COA1: variants seen among roughly 807,000 people sequenced by gnomAD.
COA1 encodes cytochrome c oxidase assembly factor 1 homolog.
Under a neutral mutation model 16.0 loss-of-function variants are expected in COA1, and 13 were observed. The observed-to-expected ratio is 0.81, with a 90% CI of 0.53 to 1.29. The LOEUF (loss-of-function observed/expected upper bound fraction) is 1.29, where lower values mean the gene tolerates loss of function less well. Ranked by LOEUF, COA1 falls within the 50% of genes most tolerant of loss-of-function variation. The pLI is 0.00. For synonymous variants in COA1, 65 were observed against 65.7 expected (o/e 0.99, Z 0.05); for missense variants, 179 against 177.0 (o/e 1.01, Z -0.06).
chr7:43,647,233 T>C (rs1275129670), intron 3 of COA1: 4 of 443,038 alleles, frequency 9.0e-6, no homozygotes, highest in Non-Finnish European at 1.6e-5. Context: ...GTCCCTTCTT[T>C]ATATAATCTC....
At chr7:43,619,591 T>C in intron 6 of COA1, 1 of 1,612,224 alleles carries the variant, frequency 6.2e-7, no homozygotes, top group Non-Finnish European at 8.5e-7. Flanking sequence ...GTGTATTTTC[T>C]TTTAGCCTCA....
intron 1 of COA1, among the ~76,000 whole-genome samples, chr7:43,671,666 T>C (rs2093272095): frequency 6.6e-6 from 1 of 152,182 alleles, no homozygotes; most frequent in Non-Finnish European, 1.5e-5. Flanking sequence ...ATTTGCAAAC[T>C]ACGTGATATG....
intron 6 of COA1, chr7:43,623,803 A>G (rs1386801634): frequency 1.2e-6 from 2 of 1,607,058 alleles, no homozygotes; most frequent in Admixed American, 1.7e-5. Flanking sequence ...CTCACAGATG[A>G]ATTTAAGTTA....
rs1491245285 is a variant in COA1 at position 43,691,321 on chromosome 7, GAA to G, written c.-39+38106_-39+38107del. 7.7e-3 allele frequency among the ~76,000 whole-genome samples: 762 copies of G among 98,434 alleles called. 9 individuals carry two copies. The highest frequency in any genetic ancestry group is 0.011 in the Non-Finnish European group (538 of 48,670). The allele number at this position is 98,434 out of a possible 152,430, so 64.6% of individuals were successfully genotyped here. Reference sequence around the variant, plus strand: ...AGAAAGAAAGAAAGAAAGAAAGAAAGAAAGAAAGAGAAAGAGAGAGAGGGAGG... The same window carrying G: ...AGAAAGAAAGAAAGAAAGAAAGAAAGAGAAAGAGAAAGAGAGAGAGGGAGG... On this transcript the variant is annotated intron_variant, in intron 1 of 5. Coordinates refer to ENST00000223336, the MANE Select transcript of COA1 (RefSeq NM_018224.4).
chr7:43,717,954 C>T (rs2095428553), intron 1 of COA1, among the ~76,000 whole-genome samples: 1 of 152,188 alleles, frequency 6.6e-6, no homozygotes, highest in African/African-American at 2.4e-5. Context: ...TCCTCTTTGC[C>T]TTCCACCATG....
At chr7:43,656,810 G>A (rs923605411) in intron 1 of COA1, among the ~76,000 whole-genome samples, 1 of 144,396 alleles carries the variant, frequency 6.9e-6, no homozygotes, top group African/African-American at 2.5e-5. Context: ...ACCACCTACC[G>A]CAAATATTAA....
intron 4 of COA1, among the ~76,000 whole-genome samples, chr7:43,643,810 T>C (rs943383012): frequency 6.6e-6 from 1 of 152,198 alleles, no homozygotes; most frequent in African/African-American, 2.4e-5. Context: ...TCCACCTTCT[T>C]TTAAAACCGA....
At chr7:43,691,898 C>T (rs901786058) in intron 1 of COA1, among the ~76,000 whole-genome samples, 18 of 152,184 alleles carry the variant, frequency 1.2e-4, no homozygotes, top group African/African-American at 4.3e-4. Context: ...CCGTTTGGCC[C>T]AGAGCCTGCA....
chr7:43,637,749 A>C (rs1177890491), downstream of COA1, among the ~76,000 whole-genome samples: 2 of 152,262 alleles, frequency 1.3e-5, no homozygotes, highest in Non-Finnish European at 2.9e-5. Context: ...AATAGAAATC[A>C]AGGAGCACTT....
chr7:43,725,332 T>C (rs912201727), intron 1 of COA1, among the ~76,000 whole-genome samples: 1 of 152,222 alleles, frequency 6.6e-6, no homozygotes, highest in Admixed American at 6.5e-5. Flanking sequence ...CACTGAACTG[T>C]ATCTTTACAA....
At chr7:43,623,929 A>G (rs1178662732) in intron 6 of COA1, 3 of 1,297,060 alleles carry the variant, frequency 2.3e-6, no homozygotes, top group East Asian at 3.0e-5. Context: ...AACTAATTCA[A>G]TATTAAAAAA....
chr7:43,637,857 A>AGGTT (rs1454070909), downstream of COA1, among the ~76,000 whole-genome samples: 10 of 152,356 alleles, frequency 6.6e-5, no homozygotes, highest in Admixed American at 1.3e-4. Context: ...TGGCCAACCT[A>AGGTT]AGCCCTGGTT....
At chr7:43,691,069 A>AC (rs1372646212) in intron 1 of COA1, among the ~76,000 whole-genome samples, 9 of 136,150 alleles carry the variant, frequency 6.6e-5, no homozygotes, top group South Asian at 2.4e-4. Context: ...AAAAAAAAAA[A>AC]AAAAAAAACA....
intron 1 of COA1, among the ~76,000 whole-genome samples, chr7:43,682,701 A>AT (rs1375896299): frequency 1.3e-5 from 2 of 152,198 alleles, no homozygotes; most frequent in Non-Finnish European, 2.9e-5. Context: ...TAAACACAGA[A>AT]TTTGTCATTC....
At chr7:43,628,258 T>C (rs1005928542) in intron 6 of COA1, among the ~76,000 whole-genome samples, 4 of 152,068 alleles carry the variant, frequency 2.6e-5, no homozygotes, top group Non-Finnish European at 5.9e-5. Flanking sequence ...TCCCAAAGTG[T>C]TGGGATTACA....
At chr7:43,644,786 G>GA (rs1491115537) in intron 4 of COA1, among the ~76,000 whole-genome samples, 105 of 44,470 alleles carry the variant, frequency 2.4e-3, no homozygotes, top group Middle Eastern at 0.026. Flanking sequence ...AGGCAGGCAG[G>GA]CAGGCAGAGA....
intron 1 of COA1, among the ~76,000 whole-genome samples, chr7:43,694,795 T>G (rs926377363): frequency 6.6e-6 from 1 of 152,174 alleles, no homozygotes; most frequent in African/African-American, 2.4e-5. Context: ...GAGGCCTCTT[T>G]GTATTCCAGG....
At chr7:43,693,836 A>C (rs1374964956) in intron 1 of COA1, among the ~76,000 whole-genome samples, 1 of 152,050 alleles carries the variant, frequency 6.6e-6, no homozygotes, top group Non-Finnish European at 1.5e-5. Flanking sequence ...AAAAATAAAC[A>C]TAACTCTACT....
intron 1 of COA1, among the ~76,000 whole-genome samples, chr7:43,664,027 G>A (rs561506031): frequency 6.6e-6 from 1 of 151,680 alleles, no homozygotes; most frequent in Admixed American, 6.6e-5. Flanking sequence ...CTTTACTCCA[G>A]CCTGGGTGAC....
Sources: allele counts gnomAD v4.1 joint callset (sites outside exome capture counted in the v4.1 genomes callset), GRCh38; gene constraint gnomAD v4.1.1; transcripts MANE v1.5; gene names NCBI Gene and HGNC (gene_info 2026-07-23, HGNC 2026-07-21).